The following TMEM181 variants were observed in gnomAD, a reference collection of about 807,000 sequenced individuals.
The protein encoded by TMEM181 is transmembrane protein 181, also known as G protein-coupled receptor 178.
In TMEM181, 39 loss-of-function variants were observed where a neutral mutation model predicts 71.9. The observed-to-expected ratio is 0.54, with a 90% CI of 0.42 to 0.71. The LOEUF is 0.71. Ranked by LOEUF, TMEM181 falls within the 30% of genes least tolerant of loss-of-function variation. The probability of loss-of-function intolerance (pLI) is 0.00; values close to 1 mark genes in which losing one functional copy is unlikely to be tolerated. For synonymous variants in TMEM181, 245 were observed against 228.8 expected, an observed-to-expected ratio of 1.07 and a Z score of -0.64; for missense variants, 595 against 583.0, an observed-to-expected ratio of 1.02 and a Z score of -0.21.
Position 158,614,756 on chromosome 6 carries a change from C to T in TMEM181, c.896+6006C>T, listed in dbSNP as rs138607316. On this transcript the variant is annotated intron_variant, in intron 10 of 16. Transcript: ENST00000684151. ...GTGGTATTTGGTTTTCTGTGCTTGGCGATAGTTTGCTCAGAATGATGGTTT... is the reference window on the plus strand; with the variant it reads ...GTGGTATTTGGTTTTCTGTGCTTGGTGATAGTTTGCTCAGAATGATGGTTT... Among the ~76,000 whole-genome samples the T allele has an allele frequency of 2.3e-3, 354 of 152,188 alleles. 1 individual carries two copies. The highest frequency in any genetic ancestry group is 7.1e-3 in the African/African-American group (295 of 41,514).
Position 158,631,994 on chromosome 6 carries a change from T to C in TMEM181, c.*106T>C. 9.1e-7 allele frequency: 1 copy of C among 1,100,000 alleles called. No individual in the cohort carries two copies. The highest frequency in any genetic ancestry group is 1.3e-6 in the Non-Finnish European group (1 of 763,150). 68.1% of individuals were successfully genotyped at this position (1,100,000 alleles called of 1,614,324 possible). ...CAGATTTTTCTTACAAGCAGAGATTTCCTGTTCATTTGTTTACATATTTTT... is the reference window on the plus strand; with the variant it reads ...CAGATTTTTCTTACAAGCAGAGATTCCCTGTTCATTTGTTTACATATTTTT... On this transcript the variant is annotated 3_prime_UTR_variant, in exon 17 of 17. Coordinates refer to ENST00000684151, the MANE Select transcript of TMEM181 (RefSeq NM_001376852.1).
At chr6:158,579,631 A>T (rs1783360394) in intron 2 of TMEM181, among the ~76,000 whole-genome samples, 1 of 152,022 alleles carries the variant, frequency 6.6e-6, no homozygotes, top group Admixed American at 6.6e-5. Context: ...AGGCAGGAGA[A>T]TCGCTTGAAC....
intron 10 of TMEM181, chr6:158,611,491 C>A: frequency 1.9e-6 from 1 of 524,168 alleles, no homozygotes; most frequent in South Asian, 1.4e-5. Flanking sequence ...TTCTGACTCT[C>A]AGCTTCAGTT....
At chr6:158,593,730 C>CT (rs371217639) in intron 6 of TMEM181, among the ~76,000 whole-genome samples, 13 of 152,054 alleles carry the variant, frequency 8.5e-5, no homozygotes, top group Non-Finnish European at 1.5e-4. Context: ...AAATATAATT[C>CT]TTTTTTTTCC....
chr6:158,553,394 A>C (rs1781776611), intron 1 of TMEM181, among the ~76,000 whole-genome samples: 2 of 152,236 alleles, frequency 1.3e-5, no homozygotes, highest in Admixed American at 6.5e-5. Context: ...AAAGCTAGTC[A>C]TCAGTTATTT....
rs545576779 is a variant in TMEM181 at position 158,566,034 on chromosome 6, T to C, written c.8+5802T>C. Among the ~76,000 whole-genome samples the C allele has an allele frequency of 2.6e-5, 4 of 152,210 alleles. No individual in the cohort carries two copies. In the South Asian group the frequency reaches 8.3e-4, roughly 32 times the overall value. On this transcript the variant is annotated intron_variant, in intron 1 of 16. Transcript: ENST00000684151. ...AATTTTGTTTTATTTCTGGGGTGTG[T>C]GTACTGGTGGAGAACTTTGGATTTA...
At chr6:158,575,653 T>C (rs1783114069) in intron 2 of TMEM181, among the ~76,000 whole-genome samples, 1 of 152,208 alleles carries the variant, frequency 6.6e-6, no homozygotes, top group Admixed American at 6.5e-5. Flanking sequence ...TTCTTAATTC[T>C]TTCCAGGAAA....
chr6:158,546,971 C>T (rs1317635068), intron 1 of TMEM181, among the ~76,000 whole-genome samples: 1 of 150,190 alleles, frequency 6.7e-6, no homozygotes, highest in Non-Finnish European at 1.5e-5. Flanking sequence ...AAAACAAAAA[C>T]AAACAAACAA....
chr6:158,572,232 T>C (rs978635892), intron 1 of TMEM181, among the ~76,000 whole-genome samples: 1 of 152,192 alleles, frequency 6.6e-6, no homozygotes, highest in African/African-American at 2.4e-5. Flanking sequence ...AGGCGTGTGC[T>C]GCGGGGATGT....
exon 1 of TMEM181, chr6:158,536,713 G>T: frequency 6.5e-7 from 1 of 1,549,848 alleles, no homozygotes. Flanking sequence ...CGGCGGGACC[G>T]GGACCCGGGA....
chr6:158,548,868 G>C (rs1222154306), intron 1 of TMEM181, among the ~76,000 whole-genome samples: 1 of 152,208 alleles, frequency 6.6e-6, no homozygotes, highest in African/African-American at 2.4e-5. Context: ...GCTTGGGACT[G>C]ATACTTAAAA....
At chr6:158,613,109 G>A (rs1364441956) in intron 10 of TMEM181, among the ~76,000 whole-genome samples, 5 of 152,202 alleles carry the variant, frequency 3.3e-5, no homozygotes, top group African/African-American at 1.2e-4. Context: ...TGCTTCCTCA[G>A]CTTTTCAGGC....
chr6:158,557,839 G>C (rs1311404457), upstream of TMEM181, among the ~76,000 whole-genome samples: 5 of 152,326 alleles, frequency 3.3e-5, no homozygotes, highest in East Asian at 9.6e-4. Context: ...AATTATTTAG[G>C]TTATTGTTTG....
chr6:158,537,324 G>A (rs1292102435), intron 1 of TMEM181, among the ~76,000 whole-genome samples: 1 of 152,080 alleles, frequency 6.6e-6, no homozygotes, highest in African/African-American at 2.4e-5. Context: ...AGCTCTGAGC[G>A]CCCTAGGCTT....
Position 158,611,489 on chromosome 6 carries a change from C to T in TMEM181, c.896+2739C>T, listed in dbSNP as rs899203525. The T allele has an allele frequency of 9.5e-6, 5 of 525,394 alleles. No homozygotes were observed. The African/African-American group carries it at 9.7e-5, about 10-fold the overall frequency. 32.5% of individuals were successfully genotyped at this position (525,394 alleles called of 1,614,324 possible). A position where few individuals can be genotyped will look rare whatever the true frequency, so the allele number is the denominator to read the frequency against. ...GTTCCTCAGTCGTATCATTCTGACT[C>T]TCAGCTTCAGTTGCAAATTAAGAGT... On this transcript the variant is annotated intron_variant, in intron 10 of 16. Coordinates refer to ENST00000684151, the MANE Select transcript of TMEM181 (RefSeq NM_001376852.1).
chr6:158,565,857 C>T (rs1398770054), intron 1 of TMEM181, among the ~76,000 whole-genome samples: 4 of 152,060 alleles, frequency 2.6e-5, no homozygotes, highest in South Asian at 2.1e-4. Context: ...GCGGTGGGGG[C>T]GGGGGTGGAG....
intron 6 of TMEM181, among the ~76,000 whole-genome samples, chr6:158,596,555 A>G (rs188640453): frequency 8.5e-5 from 13 of 152,304 alleles, no homozygotes; most frequent in Admixed American, 3.9e-4. Context: ...TGTTTGTTTC[A>G]CTAACCAGCT....
At chr6:158,558,550 G>A (rs565782952), upstream of TMEM181, among the ~76,000 whole-genome samples, 2 of 152,294 alleles carry the variant, frequency 1.3e-5, no homozygotes, top group East Asian at 1.9e-4. Flanking sequence ...CTGGTTACAG[G>A]TTTATGTTCT....
chr6:158,627,507 T>G (rs185812021), intron 13 of TMEM181, among the ~76,000 whole-genome samples: 90 of 152,226 alleles, frequency 5.9e-4, no homozygotes, highest in Admixed American at 5.6e-3. Context: ...CCACTTTAGA[T>G]GAGTGGTTTG....
Sources: gnomAD v4.1 joint callset for allele counts (sites outside exome capture counted in the v4.1 genomes callset) on GRCh38, gnomAD v4.1.1 for gene constraint, MANE v1.5 for transcripts, NCBI Gene and HGNC (gene_info 2026-07-23, HGNC 2026-07-21) for gene names.